ELP3: variants seen among roughly 807,000 people sequenced by gnomAD.
ELP3 encodes the protein elongator complex protein 3.
ELP3 carries 56 observed loss-of-function variants against 74.9 expected under a neutral mutation model. The ratio of observed to expected loss-of-function variants is 0.75; its 90% CI spans 0.60 to 0.93. The LOEUF (loss-of-function observed/expected upper bound fraction) is 0.93. ELP3 is among the 40% of genes least tolerant of loss of function. ELP3 has a pLI of 0.00. For synonymous variants in ELP3, 222 were observed against 239.8 expected (o/e 0.93, Z 0.68); for missense variants, 573 against 686.5 (o/e 0.83, Z 1.85).
chr8:28,101,401 A>G lies in ELP3; in HGVS notation c.258+1435A>G, dbSNP rs542690937. Among the ~76,000 whole-genome samples the G allele has an allele frequency of 4.6e-5, 7 of 152,208 alleles. No individual in the cohort carries two copies. The South Asian group carries it at 1.2e-3, about 27-fold the overall frequency. On this transcript the variant is annotated intron_variant, in intron 3 of 14. Coordinates refer to ENST00000256398, the MANE Select transcript of ELP3 (RefSeq NM_018091.6). The stretch of plus-strand genomic sequence containing the variant: ...TGCCACTGCACTCCAGCCTGGGCGA[A>G]AAAGCGAGACTCCATCTCAAAACAA...
In ELP3 at chr8:28,152,452, G is replaced by A. The variant is rs117366296; in HGVS notation, c.1101-3490G>A. Among the ~76,000 whole-genome samples the A allele has an allele frequency of 4.4e-3, 663 of 152,134 alleles. 4 individuals are homozygous for A. Among genetic ancestry groups the A allele is most frequent in the African/African-American group, 0.015 (615 of 41,490 alleles). ...TATTGGTATGATTTGCAGCACAGAC[G>A]TCTTTAATTTTGATGTAGTCTTTTT... On this transcript the variant is annotated intron_variant, in intron 10 of 14. Coordinates refer to ENST00000256398, the MANE Select transcript of ELP3 (RefSeq NM_018091.6).
chr8:28,179,840 A>G (rs1251182438), intron 14 of ELP3, among the ~76,000 whole-genome samples: 1 of 152,054 alleles, frequency 6.6e-6, no homozygotes, highest in Non-Finnish European at 1.5e-5. Flanking sequence ...AGCAATGGGG[A>G]GTGGCTGTAA....
chr8:28,185,442 C>G (rs529106505), intron 14 of ELP3, among the ~76,000 whole-genome samples: 2 of 152,292 alleles, frequency 1.3e-5, no homozygotes, highest in Admixed American at 1.3e-4. Flanking sequence ...TTTATTGCAT[C>G]TTGATTATAT....
chr8:28,093,921 A>G (rs1281674289), intron 1 of ELP3, among the ~76,000 whole-genome samples: 1 of 152,236 alleles, frequency 6.6e-6, no homozygotes, highest in Non-Finnish European at 1.5e-5. Flanking sequence ...AGAAGCTGAG[A>G]TTCAAAGAGT....
At chr8:28,178,969 C>T (rs183831858) in intron 14 of ELP3, among the ~76,000 whole-genome samples, 82 of 152,286 alleles carry the variant, frequency 5.4e-4, no homozygotes, top group East Asian at 5.2e-3. Context: ...TTATTATGTA[C>T]AGTTAGTATT....
chr8:28,122,174 A>C (rs1199930032), intron 7 of ELP3, among the ~76,000 whole-genome samples: 1 of 152,134 alleles, frequency 6.6e-6, no homozygotes, highest in Non-Finnish European at 1.5e-5. Flanking sequence ...ATCTTTACAT[A>C]TTGTTGGATT....
intron 14 of ELP3, among the ~76,000 whole-genome samples, chr8:28,171,703 GTATTA>G (rs1024643158): frequency 6.6e-6 from 1 of 152,020 alleles, no homozygotes; most frequent in Non-Finnish European, 1.5e-5. Context: ...TGTGTCTTTG[GTATTA>G]TATTTAAGAA....
At chr8:28,115,729 C>T (rs149353496) in intron 7 of ELP3, among the ~76,000 whole-genome samples, 48 of 152,306 alleles carry the variant, frequency 3.2e-4, no homozygotes, top group African/African-American at 1.1e-3. Flanking sequence ...GCTTTGCTTT[C>T]AGAGCCTAAC....
intron 10 of ELP3, among the ~76,000 whole-genome samples, chr8:28,148,262 G>A (rs1016447764): frequency 9.2e-5 from 14 of 152,298 alleles, no homozygotes; most frequent in African/African-American, 3.4e-4. Flanking sequence ...GAGACTAGTA[G>A]TTGTAGGTTT....
chr8:28,107,835 G>T, intron 4 of ELP3, 78 bp from the exon 5 acceptor site: 1 of 1,094,194 alleles, frequency 9.1e-7, no homozygotes, highest in South Asian at 1.3e-5. Flanking sequence ...GGATTCTTTG[G>T]AGATGGTAGA....
At chr8:28,142,630 C>T (rs1813287685) in intron 10 of ELP3, among the ~76,000 whole-genome samples, 1 of 152,168 alleles carries the variant, frequency 6.6e-6, no homozygotes, top group African/African-American at 2.4e-5. Flanking sequence ...TGACTCAGTT[C>T]CTAACACAGT....
chr8:28,180,345 T>A (rs891965090), intron 14 of ELP3, among the ~76,000 whole-genome samples: 18 of 152,226 alleles, frequency 1.2e-4, no homozygotes, highest in African/African-American at 4.3e-4. Flanking sequence ...CATAATTTCT[T>A]CTGACTTAAT....
At chr8:28,145,485 G>A (rs1037368515) in intron 10 of ELP3, among the ~76,000 whole-genome samples, 1 of 152,212 alleles carries the variant, frequency 6.6e-6, no homozygotes, top group Non-Finnish European at 1.5e-5. Flanking sequence ...AAAATCATTT[G>A]TGTCTTTCTG....
intron 10 of ELP3, among the ~76,000 whole-genome samples, chr8:28,151,199 C>G (rs1813630276): frequency 6.6e-6 from 1 of 152,200 alleles, no homozygotes; most frequent in Non-Finnish European, 1.5e-5. Flanking sequence ...CCTAGAGATT[C>G]TTTTCTCAGC....
chr8:28,182,433 C>T (rs1429479035), intron 14 of ELP3, among the ~76,000 whole-genome samples: 2 of 152,130 alleles, frequency 1.3e-5, no homozygotes, highest in East Asian at 1.9e-4. Context: ...TGGTGGCATG[C>T]ACCTGTAATC....
intron 14 of ELP3, among the ~76,000 whole-genome samples, chr8:28,167,119 C>T (rs1814336282): frequency 6.6e-6 from 1 of 152,036 alleles, no homozygotes; most frequent in Non-Finnish European, 1.5e-5. Flanking sequence ...TATTAAAAAG[C>T]CAGAGAAGGG....
chr8:28,138,817 G>A (rs1017464950), intron 10 of ELP3, among the ~76,000 whole-genome samples: 4 of 152,220 alleles, frequency 2.6e-5, no homozygotes, highest in African/African-American at 9.6e-5. Flanking sequence ...TGATTTCTCA[G>A]TTTTAAAATC....
At chr8:28,180,903 C>G (rs1184401391) in intron 14 of ELP3, among the ~76,000 whole-genome samples, 1 of 152,152 alleles carries the variant, frequency 6.6e-6, no homozygotes, top group African/African-American at 2.4e-5. Flanking sequence ...TGAGCCTCCT[C>G]AAGGTACGGA....
In ELP3 at chr8:28,160,237, G is replaced by C. The variant is rs1814014159; in HGVS notation, c.1266G>C (p.Leu422Phe). ...HHKVRPYQVE[L>F]VRRDYVANGG... ...GGCTTTTTACTAAATAGGTTGAATT[G>C]GTAAGGAGAGATTATGTTGCAAATG... is the stretch of plus-strand genomic sequence containing the variant. The change falls in exon 13 of 15, where the codon TTG becomes TTC. Residue 422 changes from leucine (L) to phenylalanine (F), a missense_variant. By Grantham distance (22) the Leu-to-Phe change is conservative. Coordinates refer to ENST00000256398, the MANE Select transcript of ELP3 (RefSeq NM_018091.6). 2 of 1,613,716 alleles carry C rather than the reference G, an allele frequency of 1.2e-6. No homozygotes were observed. Among genetic ancestry groups the C allele is most frequent in the Non-Finnish European group, 1.7e-6 (2 of 1,179,836 alleles).
Sources: gnomAD v4.1 joint callset for allele counts (sites outside exome capture counted in the v4.1 genomes callset) on GRCh38, gnomAD v4.1.1 for gene constraint, MANE v1.5 for transcripts, NCBI Gene and HGNC (gene_info 2026-07-23, HGNC 2026-07-21) for gene names.